Variants in ZNG1A observed in about 807,000 individuals in gnomAD.
ZNG1A encodes zinc-regulated GTPase metalloprotein activator 1A.
At chr9:172,027 A>G in the ZNG1A span, 1 of 1,608,792 alleles carries the variant, frequency 6.2e-7, no homozygotes, top group Non-Finnish European at 8.5e-7. Flanking sequence ...TAATACATCT[A>G]TTTACAATAT....
At chr9:174,179 A>AG in the ZNG1A span, among the ~76,000 whole-genome samples, 6 of 151,766 alleles carry the variant, frequency 4.0e-5, no homozygotes, top group South Asian at 1.3e-3. Flanking sequence ...TTTTAGTCAA[A>AG]TTCACATATT....
the ZNG1A span, among the ~76,000 whole-genome samples, chr9:137,223 T>C: frequency 6.6e-6 from 1 of 150,632 alleles, no homozygotes; most frequent in East Asian, 2.0e-4. Context: ...TAGCCAGGCA[T>C]GGTAGTGCGT....
At chr9:160,095 G>C in the ZNG1A span, 3 of 454,708 alleles carry the variant, frequency 6.6e-6, no homozygotes, top group South Asian at 4.7e-5. Flanking sequence ...TGGGTGTCAA[G>C]TCCTCAGAAT....
chr9:172,239 C>T, the ZNG1A span: 166 of 1,586,410 alleles, frequency 1.0e-4, no homozygotes, highest in African/African-American at 1.5e-4. Flanking sequence ...ATTATAAACA[C>T]TTTAAAATAT....
At chr9:171,986 A>C in the ZNG1A span, 1 of 1,590,616 alleles carries the variant, frequency 6.3e-7, no homozygotes, top group Non-Finnish European at 8.6e-7. Context: ...AATACTAACA[A>C]AAGCTTTAAT....
chr9:139,099 C>T, the ZNG1A span, among the ~76,000 whole-genome samples: 80 of 147,188 alleles, frequency 5.4e-4, 3 homozygotes, highest in African/African-American at 2.1e-3. Flanking sequence ...TTTGCAATAG[C>T]CAAGCTGTGA....
At chr9:121,394 T>C in the ZNG1A span, 7 of 904,752 alleles carry the variant, frequency 7.7e-6, no homozygotes, top group South Asian at 1.4e-5. Flanking sequence ...AAGTAATAAA[T>C]AAATGCTTGA....
At chr9:143,677 G>A in the ZNG1A span, among the ~76,000 whole-genome samples, 1 of 123,358 alleles carries the variant, frequency 8.1e-6, no homozygotes, top group African/African-American at 3.5e-5. Flanking sequence ...TCAACATAGT[G>A]TTGGAAGTTC....
the ZNG1A span, chr9:150,660 G>C: frequency 3.1e-6 from 3 of 982,432 alleles, no homozygotes; most frequent in Admixed American, 1.9e-4. Context: ...ATTCACAGAA[G>C]ATTTTAGTCA....
chr9:143,405 C>A, the ZNG1A span, among the ~76,000 whole-genome samples: 17 of 137,502 alleles, frequency 1.2e-4, no homozygotes, highest in East Asian at 1.4e-3. Context: ...CAAATCAATA[C>A]ATGTAATCCA....
chr9:177,725 G>T, the ZNG1A span: 1 of 1,522,246 alleles, frequency 6.6e-7, no homozygotes, highest in Non-Finnish European at 8.9e-7. Flanking sequence ...TGACCTACCA[G>T]TGAGCAATAC....
At chr9:143,161 A>T in the ZNG1A span, among the ~76,000 whole-genome samples, 1 of 149,102 alleles carries the variant, frequency 6.7e-6, no homozygotes, top group East Asian at 2.0e-4. Flanking sequence ...TCCAATCAAT[A>T]GAAAAAGAGG....
At chr9:153,036 G>A in the ZNG1A span, 1 of 137,082 alleles carries the variant, frequency 7.3e-6, no homozygotes, top group East Asian at 2.1e-4. Context: ...CCAAAAGGGT[G>A]TGTAATTTAT....
chr9:152,639 T>C, the ZNG1A span, among the ~76,000 whole-genome samples: 1 of 151,970 alleles, frequency 6.6e-6, no homozygotes, highest in African/African-American at 2.4e-5. Flanking sequence ...TTATGCCTGT[T>C]CTCCCTCTTT....
chr9:147,987 C>G, the ZNG1A span: 2 of 151,242 alleles, frequency 1.3e-5, no homozygotes, highest in African/African-American at 4.9e-5. Context: ...GTCGCACCAC[C>G]GCACTCCAAC....
the ZNG1A span, among the ~76,000 whole-genome samples, chr9:175,407 G>GT: frequency 2.6e-4 from 38 of 148,742 alleles, 1 homozygote; most frequent in African/African-American, 9.5e-4. Flanking sequence ...AAAAATAAAC[G>GT]TTTTTTCATA....
chr9:127,924 C>G, the ZNG1A span, among the ~76,000 whole-genome samples: 7 of 151,532 alleles, frequency 4.6e-5, no homozygotes, highest in East Asian at 5.9e-4. Context: ...TCTGAAAAAG[C>G]TGTATCTTGC....
the ZNG1A span, among the ~76,000 whole-genome samples, chr9:124,036 AGAG>A: frequency 3.9e-5 from 6 of 152,202 alleles, no homozygotes; most frequent in African/African-American, 7.2e-5. Flanking sequence ...GCATGTGCCA[AGAG>A]GAGAAGAGTT....
At chr9:132,545 C>CA in the ZNG1A span, among the ~76,000 whole-genome samples, 1 of 90,212 alleles carries the variant, frequency 1.1e-5, no homozygotes, top group East Asian at 3.0e-4. Flanking sequence ...CAAAAAAAAC[C>CA]AAAAAAACAA....
Sources: allele counts gnomAD v4.1 joint callset (sites outside exome capture counted in the v4.1 genomes callset), GRCh38; gene constraint gnomAD v4.1.1; transcripts MANE v1.5; gene names NCBI Gene and HGNC (gene_info 2026-07-23, HGNC 2026-07-21).